The following UNC5C variants were observed in gnomAD, a reference collection of about 807,000 sequenced individuals.
The protein encoded by UNC5C is unc-5 netrin receptor C, also known as netrin receptor UNC5C.
Under a neutral mutation model 99.8 loss-of-function variants are expected in UNC5C, and 47 were observed. The ratio of observed to expected loss-of-function variants is 0.47; its 90% CI spans 0.37 to 0.60. UNC5C has a LOEUF of 0.60. Among genes scored for constraint, UNC5C ranks in the 20% least tolerant of loss-of-function variants. UNC5C has a pLI of 0.00. For missense variants in UNC5C, 1,062 were observed against 1,165.9 expected (o/e 0.91, Z 1.30); for synonymous variants, 487 against 452.2 (o/e 1.08, Z -0.98).
chr4:95,175,237 ATTT>A, intron 14 of UNC5C, among the ~76,000 whole-genome samples: 1 of 151,562 alleles, frequency 6.6e-6, no homozygotes, highest in Non-Finnish European at 1.5e-5. Flanking sequence ...CATTTAGTCC[ATTT>A]ACATTTAAAG....
intron 1 of UNC5C, among the ~76,000 whole-genome samples, chr4:95,433,264 A>T (rs1158513661): frequency 6.6e-6 from 1 of 152,164 alleles, no homozygotes; most frequent in Non-Finnish European, 1.5e-5. Context: ...AAGTGATGAG[A>T]TATGCTTATT....
intron 1 of UNC5C, among the ~76,000 whole-genome samples, chr4:95,479,238 T>A (rs984566045): frequency 6.6e-6 from 1 of 151,984 alleles, no homozygotes; most frequent in African/African-American, 2.4e-5. Context: ...TTTGTCTTGA[T>A]TTCAAATATT....
intron 14 of UNC5C, among the ~76,000 whole-genome samples, chr4:95,174,629 C>T (rs1256726359): frequency 6.6e-6 from 1 of 151,628 alleles, no homozygotes; most frequent in African/African-American, 2.4e-5. Flanking sequence ...AATTTCTGTT[C>T]ATTTACATTT....
intron 1 of UNC5C, among the ~76,000 whole-genome samples, chr4:95,337,424 T>C (rs1743393607): frequency 6.6e-6 from 1 of 151,956 alleles, no homozygotes; most frequent in South Asian, 2.1e-4. Context: ...TATTTAAATG[T>C]TCACATGCTA....
chr4:95,318,867 G>A (rs17023493), intron 2 of UNC5C, among the ~76,000 whole-genome samples: 20,307 of 152,242 alleles, frequency 0.13, 1,543 homozygotes, highest in African/African-American at 0.19. Flanking sequence ...CTCTATCCAT[G>A]TAACTCTATA....
At chr4:95,429,087 A>C (rs1746561406) in intron 1 of UNC5C, among the ~76,000 whole-genome samples, 1 of 152,128 alleles carries the variant, frequency 6.6e-6, no homozygotes, top group African/African-American at 2.4e-5. Context: ...ACCATAAACA[A>C]GGCTTTCACT....
At chr4:95,344,360 A>T (rs1743691293) in intron 1 of UNC5C, among the ~76,000 whole-genome samples, 3 of 152,130 alleles carry the variant, frequency 2.0e-5, no homozygotes, top group Non-Finnish European at 2.9e-5. Flanking sequence ...TATACTTCAA[A>T]CATAAAGGAG....
intron 7 of UNC5C, among the ~76,000 whole-genome samples, chr4:95,237,643 A>G (rs1739169303): frequency 6.6e-6 from 1 of 152,202 alleles, no homozygotes; most frequent in African/African-American, 2.4e-5. Flanking sequence ...TATTCAAACT[A>G]TGAGTCAAAA....
intron 1 of UNC5C, among the ~76,000 whole-genome samples, chr4:95,429,291 A>AC (rs35660876): frequency 0.32 from 43,290 of 135,108 alleles, 6,619 homozygotes; most frequent in Middle Eastern, 0.38. Context: ...AAAAAAAAAA[A>AC]AAAAAACAAA....
At chr4:95,399,407 A>C (rs937292856) in intron 1 of UNC5C, among the ~76,000 whole-genome samples, 1 of 152,192 alleles carries the variant, frequency 6.6e-6, no homozygotes, top group Non-Finnish European at 1.5e-5. Context: ...AAAATGCAAA[A>C]GATTGTTTCT....
At chr4:95,230,198 GTGA>G (rs1211725919) in intron 7 of UNC5C, among the ~76,000 whole-genome samples, 1 of 152,152 alleles carries the variant, frequency 6.6e-6, no homozygotes, top group Non-Finnish European at 1.5e-5. Context: ...CTAATGACCA[GTGA>G]TGATGAGCTT....
At chr4:95,493,701 T>C (rs570464416) in intron 1 of UNC5C, among the ~76,000 whole-genome samples, 1 of 151,564 alleles carries the variant, frequency 6.6e-6, no homozygotes, top group Admixed American at 6.6e-5. Flanking sequence ...AGGTTTTTAA[T>C]GGCATCCAGT....
In UNC5C at chr4:95,436,951, A is replaced by T. The variant is rs187706018; in HGVS notation, c.125-101320T>A. On this transcript the variant is annotated intron_variant, in intron 1 of 15. Coordinates refer to ENST00000453304, the MANE Select transcript of UNC5C (RefSeq NM_003728.4). ...TGAAGTGCTCATAAACTCAGAATAA[A>T]CTGCCTTTAATCGAACATAGATTTT... Among the ~76,000 whole-genome samples, 13 of 151,182 alleles carry T rather than the reference A, an allele frequency of 8.6e-5. No individual in the cohort carries two copies. The East Asian group carries it at 2.4e-3, about 27-fold the overall frequency.
intron 1 of UNC5C, among the ~76,000 whole-genome samples, chr4:95,433,496 A>C (rs1746689316): frequency 6.6e-6 from 1 of 152,078 alleles, no homozygotes; most frequent in African/African-American, 2.4e-5. Context: ...ATATCTGTAT[A>C]TCTACCACTT....
chr4:95,456,433 T>C (rs11730759), intron 1 of UNC5C, among the ~76,000 whole-genome samples: 17,017 of 152,178 alleles, frequency 0.11, 1,020 homozygotes, highest in Non-Finnish European at 0.14. Context: ...TCAACTGTAA[T>C]AATTCTGTAC....
intron 14 of UNC5C, among the ~76,000 whole-genome samples, chr4:95,173,751 C>T (rs1261415612): frequency 3.9e-5 from 6 of 152,148 alleles, no homozygotes; most frequent in Non-Finnish European, 8.8e-5. Flanking sequence ...TGATGCTAGC[C>T]TCATAAAATC....
Position 95,262,950 on chromosome 4 carries a change from G to A in UNC5C, c.595-12283C>T, listed in dbSNP as rs181381032. ...CTGCCTCAGCCTCCCAAGTAGCTGG[G>A]ATTACAGGCATGTGCCATCATGCCT... On this transcript the variant is annotated intron_variant, in intron 4 of 15. Coordinates refer to ENST00000453304, the MANE Select transcript of UNC5C (RefSeq NM_003728.4). Among the ~76,000 whole-genome samples, 121 of 152,180 alleles carry A rather than the reference G, an allele frequency of 8.0e-4. 2 individuals are homozygous for A. The East Asian group carries it at 0.022, about 27-fold the overall frequency.
intron 4 of UNC5C, among the ~76,000 whole-genome samples, chr4:95,269,520 T>C (rs2149390268): frequency 6.6e-6 from 1 of 151,592 alleles, no homozygotes; most frequent in South Asian, 2.1e-4. Flanking sequence ...ACTCCTAGGC[T>C]CGAGTGATCC....
intron 1 of UNC5C, among the ~76,000 whole-genome samples, chr4:95,402,894 G>A (rs1442225275): frequency 1.3e-5 from 2 of 152,116 alleles, no homozygotes; most frequent in African/African-American, 4.8e-5. Context: ...GTCTCTTTGA[G>A]ACATTTCTTC....
Sources: allele counts gnomAD v4.1 joint callset (sites outside exome capture counted in the v4.1 genomes callset), GRCh38; gene constraint gnomAD v4.1.1; transcripts MANE v1.5; gene names NCBI Gene and HGNC (gene_info 2026-07-23, HGNC 2026-07-21).